VLDLR: variants seen among roughly 807,000 people sequenced by gnomAD.
VLDLR encodes the protein very low-density lipoprotein receptor.
In VLDLR, 81 loss-of-function variants were observed where a neutral mutation model predicts 112.7. The ratio of observed to expected loss-of-function variants is 0.72; its 90% CI spans 0.60 to 0.86. The LOEUF is 0.86. VLDLR is among the 40% of genes least tolerant of loss of function. The pLI is 0.00. For missense variants in VLDLR, 1,237 were observed against 1,099.4 expected (o/e 1.13, Z -1.77); for synonymous variants, 436 against 384.8 (o/e 1.13, Z -1.56).
chr9:2,643,990 C>G, intron 7 of VLDLR, 31 bp downstream of exon 7: 1 of 1,613,796 alleles, frequency 6.2e-7, no homozygotes, highest in Non-Finnish European at 8.5e-7. Flanking sequence ...AGTACAGATC[C>G]TGGAAGTTTG....
rs1818511098 is a variant in VLDLR, at chr9:2,654,480, AC to A, written c.*614del. 6.3e-6 allele frequency: 1 copy of A among 159,254 alleles called. No homozygotes were observed. The highest frequency in any genetic ancestry group is 2.4e-5 in the African/African-American group (1 of 41,452). The allele number at this position is 159,254 out of a possible 1,614,324, so 9.9% of individuals were successfully genotyped here. On this transcript the variant is annotated 3_prime_UTR_variant, in exon 19 of 19. Coordinates refer to ENST00000382100, the MANE Select transcript of VLDLR (RefSeq NM_003383.5). ...CTAAAAAATTAAACCAAGCAGCTTAACCATGGTTTGTGCCTGTTCCTCTAGG... is the reference window on the plus strand; with the variant it reads ...CTAAAAAATTAAACCAAGCAGCTTAACATGGTTTGTGCCTGTTCCTCTAGG...
In VLDLR at chr9:2,621,873, C is replaced by G. The variant is rs1032923240; in HGVS notation, c.-317C>G. On this transcript the variant is annotated 5_prime_UTR_variant, in exon 1 of 19. Transcript: ENST00000382100. ...CTCTCTTCTGCTCTCGGCTCCCCAC[C>G]CCCTCTCCCTTCCCTCCTCTCCCCT... is the stretch of plus-strand genomic sequence containing the variant. 16 of 593,138 alleles carry G rather than the reference C, an allele frequency of 2.7e-5. No individual in the cohort carries two copies. The highest frequency in any genetic ancestry group is 4.7e-5 in the Non-Finnish European group (15 of 317,404). 36.7% of individuals were successfully genotyped at this position (593,138 alleles called of 1,614,324 possible). A position where few individuals can be genotyped will look rare whatever the true frequency, so the allele number is the denominator to read the frequency against.
intron 1 of VLDLR, 145 bp from the exon 2 acceptor site, chr9:2,635,308 G>T (rs1481342668): frequency 8.2e-7 from 1 of 1,222,358 alleles, no homozygotes; most frequent in Non-Finnish European, 1.2e-6. Flanking sequence ...GTCACTGGCT[G>T]AAGAGCCATC....
At chr9:2,645,471 C>G (rs1343121031) in intron 9 of VLDLR, 103 bp from the exon 10 acceptor site, 1 of 1,382,720 alleles carries the variant, frequency 7.2e-7, no homozygotes, top group East Asian at 2.3e-5. Flanking sequence ...AGGTATTCCA[C>G]AATACCTTTA....
intron 14 of VLDLR, among the ~76,000 whole-genome samples, chr9:2,649,103 G>A (rs748445877): frequency 1.4e-4 from 21 of 152,172 alleles, no homozygotes; most frequent in Non-Finnish European, 2.2e-4. Flanking sequence ...GACTATTGCA[G>A]TAGCCTCCAA....
At position 2,645,556 on chromosome 9, in the gene VLDLR, C is replaced by G. The variant is rs1227370110; in HGVS notation, c.1313-18C>G. On this transcript the variant is annotated intron_variant, in intron 9 of 18. Transcript: ENST00000382100. ...CTTCTTAAAGCAAAACTAAGTAACCCAGACTTCCATCTTGCAGGCAAAGAG... is the reference window on the plus strand; with the variant it reads ...CTTCTTAAAGCAAAACTAAGTAACCGAGACTTCCATCTTGCAGGCAAAGAG... 1 of 1,614,186 alleles carries G rather than the reference C, an allele frequency of 6.2e-7. No homozygotes were observed. Among genetic ancestry groups the G allele is most frequent in the Non-Finnish European group, 8.5e-7 (1 of 1,180,026 alleles).
rs773364053 is a variant in VLDLR at position 2,622,289 on chromosome 9, C to G, written c.82+18C>G. On this transcript the variant is annotated intron_variant, in intron 1 of 18. Coordinates refer to ENST00000382100, the MANE Select transcript of VLDLR (RefSeq NM_003383.5). ...CGGAACCGGTGAGTGAGGACGCGCC[C>G]CTCCGCCGGCGGGCGGGACCCAGCC... The G allele has an allele frequency of 1.4e-5, 21 of 1,460,044 alleles. No individual in the cohort carries two copies. The highest frequency in any genetic ancestry group is 1.5e-5 in the Non-Finnish European group (17 of 1,110,196). 90.4% of individuals were successfully genotyped at this position (1,460,044 alleles called of 1,614,324 possible).
rs1169939721 is a variant in VLDLR at position 2,658,264 on chromosome 9, T to A, written c.*4396T>A. ...GATAAATAAGCTACTAACAAACTGA[T>A]AACAGTGGTGTTCCATCTCTCTATC... On this transcript the variant is annotated 3_prime_UTR_variant, in exon 19 of 19. Coordinates refer to ENST00000382100, the MANE Select transcript of VLDLR (RefSeq NM_003383.5). The A allele has an allele frequency of 4.6e-5, 7 of 152,208 alleles. No homozygotes were observed. The highest frequency in any genetic ancestry group is 1.4e-4 in the African/African-American group (6 of 41,456). 9.4% of individuals were successfully genotyped at this position (152,208 alleles called of 1,614,324 possible).
At chr9:2,644,153 GTTTTTTT>G (rs59793046) in intron 7 of VLDLR, among the ~76,000 whole-genome samples, 194 bp downstream of exon 7, 1 of 96,386 alleles carries the variant, frequency 1.0e-5, no homozygotes, top group Non-Finnish European at 2.0e-5. Flanking sequence ...TGTTTTTGTT[GTTTTTTT>G]TTTTTTTTTT....
intron 7 of VLDLR, among the ~76,000 whole-genome samples, 195 bp from the exon 8 acceptor site, chr9:2,644,539 A>C (rs1817983035): frequency 6.6e-6 from 1 of 151,878 alleles, no homozygotes; most frequent in South Asian, 2.1e-4. Context: ...TAAATGCTTG[A>C]CCAGCTGGTA....
intron 1 of VLDLR, among the ~76,000 whole-genome samples, chr9:2,632,997 A>G (rs1280224575): frequency 2.7e-5 from 4 of 150,248 alleles, no homozygotes; most frequent in Non-Finnish European, 5.9e-5. Context: ...TTAGTAGCAC[A>G]CTGTACTCCT....
At chr9:2,629,070 G>A (rs1817225551) in intron 1 of VLDLR, among the ~76,000 whole-genome samples, 1 of 152,234 alleles carries the variant, frequency 6.6e-6, no homozygotes, top group Non-Finnish European at 1.5e-5. Flanking sequence ...AATGTTAATT[G>A]AGTTCATGTG....
At chr9:2,637,271 A>G (rs34257604) in intron 2 of VLDLR, among the ~76,000 whole-genome samples, 252 of 152,308 alleles carry the variant, frequency 1.7e-3, no homozygotes, top group African/African-American at 5.8e-3. Flanking sequence ...CTTAATATGG[A>G]ACTTGGTTAC....
chr9:2,639,276 A>G (rs200840398), intron 2 of VLDLR, among the ~76,000 whole-genome samples: 6 of 152,024 alleles, frequency 3.9e-5, no homozygotes, highest in African/African-American at 1.4e-4. Flanking sequence ...GTAGATAACA[A>G]AGAGAGAGAG....
chr9:2,641,525 T>C (rs763083004), intron 4 of VLDLR, 26 bp downstream of exon 4: 2 of 1,613,756 alleles, frequency 1.2e-6, no homozygotes, highest in South Asian at 2.2e-5. Flanking sequence ...TTGAGTGACG[T>C]AACCCAAAGA....
At chr9:2,628,300 G>T (rs1214081563) in intron 1 of VLDLR, among the ~76,000 whole-genome samples, 1 of 152,104 alleles carries the variant, frequency 6.6e-6, no homozygotes, top group Non-Finnish European at 1.5e-5. Context: ...AGGCATTGAG[G>T]CCTCATTCAA....
At position 2,659,555 on chromosome 9, in the gene VLDLR, A is replaced by G. The variant is rs1415094552; in HGVS notation, c.*5687A>G. The G allele has an allele frequency of 6.6e-6, 1 of 152,270 alleles. No homozygotes were observed. The highest frequency in any genetic ancestry group is 1.5e-5 in the Non-Finnish European group (1 of 68,044). 9.4% of individuals were successfully genotyped at this position (152,270 alleles called of 1,614,324 possible). A position where few individuals can be genotyped will look rare whatever the true frequency, so the allele number is the denominator to read the frequency against. ...AAAGAAAATGATAAAGATTCCCTAA[A>G]GGAATTTATAAGCAGGCAACTTCAT... On this transcript the variant is annotated 3_prime_UTR_variant, in exon 19 of 19. Coordinates refer to ENST00000382100, the MANE Select transcript of VLDLR (RefSeq NM_003383.5).
intron 4 of VLDLR, among the ~76,000 whole-genome samples, chr9:2,641,769 G>A (rs1013231169): frequency 1.3e-5 from 2 of 152,114 alleles, no homozygotes; most frequent in African/African-American, 4.8e-5. Flanking sequence ...AGTAGCTCAG[G>A]GAAGCAGCAA....
intron 1 of VLDLR, among the ~76,000 whole-genome samples, chr9:2,631,280 G>C (rs991419518): frequency 1.3e-5 from 2 of 152,144 alleles, no homozygotes; most frequent in Non-Finnish European, 2.9e-5. Context: ...ACTAAAACTG[G>C]AATTAACATT....
Sources: allele counts gnomAD v4.1 joint callset (sites outside exome capture counted in the v4.1 genomes callset), GRCh38; gene constraint gnomAD v4.1.1; transcripts MANE v1.5; gene names NCBI Gene and HGNC (gene_info 2026-07-23, HGNC 2026-07-21).